Variants in PRKG1 observed in about 807,000 individuals in gnomAD.
The protein encoded by PRKG1 is cGMP-dependent protein kinase 1.
A neutral mutation model predicts 88.1 loss-of-function variants in PRKG1; 35 were observed. That is an observed-to-expected ratio of 0.40 (90% CI 0.30 to 0.53). The LOEUF is 0.53. Ranked by LOEUF, PRKG1 falls within the 20% of genes least tolerant of loss-of-function variation. The probability of loss-of-function intolerance (pLI) is 0.59; values close to 1 mark genes in which losing one functional copy is unlikely to be tolerated. For synonymous variants in PRKG1, 303 were observed against 292.5 expected, an observed-to-expected ratio of 1.04 and a Z score of -0.37; for missense variants, 540 against 839.8, an observed-to-expected ratio of 0.64 and a Z score of 4.41.
chr10:51,716,366 A>C (rs1367050949), intron 3 of PRKG1, among the ~76,000 whole-genome samples: 1 of 152,198 alleles, frequency 6.6e-6, no homozygotes, highest in Non-Finnish European at 1.5e-5. Flanking sequence ...ATTCTCTGCC[A>C]TTCTAAAATC....
intron 1 of PRKG1, among the ~76,000 whole-genome samples, chr10:51,029,848 C>T (rs1843258021): frequency 6.6e-6 from 1 of 152,090 alleles, no homozygotes; most frequent in Admixed American, 6.6e-5. Flanking sequence ...AACCAGGGCT[C>T]CCCTATTTGC....
chr10:51,298,639 G>C (rs1840787064), intron 2 of PRKG1, among the ~76,000 whole-genome samples: 1 of 152,142 alleles, frequency 6.6e-6, no homozygotes, highest in Admixed American at 6.6e-5. Context: ...AGTCTAGGGG[G>C]TAATGTAGGA....
intron 1 of PRKG1, among the ~76,000 whole-genome samples, chr10:51,105,912 T>C (rs1304471797): frequency 6.6e-6 from 1 of 152,230 alleles, no homozygotes; most frequent in East Asian, 1.9e-4. Flanking sequence ...TTAATGAGTA[T>C]ATGATTTTGT....
chr10:51,216,217 C>A (rs193064317), intron 2 of PRKG1, among the ~76,000 whole-genome samples: 1 of 152,346 alleles, frequency 6.6e-6, no homozygotes, highest in African/African-American at 2.4e-5. Context: ...GGATGGAAGT[C>A]TGACTAAAGA....
intron 3 of PRKG1, among the ~76,000 whole-genome samples, chr10:51,658,603 C>G (rs1056067574): frequency 2.0e-5 from 3 of 151,952 alleles, no homozygotes; most frequent in Admixed American, 1.3e-4. Context: ...ATCTAAAACT[C>G]ATTCTTCATC....
chr10:51,768,784 G>C (rs1377756734), intron 3 of PRKG1, among the ~76,000 whole-genome samples: 2 of 152,116 alleles, frequency 1.3e-5, no homozygotes, highest in East Asian at 3.8e-4. Flanking sequence ...AAGTTAACTA[G>C]CTTAAACAGT....
At chr10:51,735,916 C>G (rs1290699047) in intron 3 of PRKG1, among the ~76,000 whole-genome samples, 4 of 114,334 alleles carry the variant, frequency 3.5e-5, no homozygotes, top group Non-Finnish European at 7.1e-5. Context: ...TTTTTCCCTC[C>G]AACTTTAAGT....
At chr10:51,602,157 A>T (rs188500655) in intron 3 of PRKG1, among the ~76,000 whole-genome samples, 13 of 152,226 alleles carry the variant, frequency 8.5e-5, no homozygotes, top group Admixed American at 5.9e-4. Flanking sequence ...CATTAGCCCG[A>T]GGGGTTCGCT....
At chr10:51,037,667 C>T (rs943281100) in intron 1 of PRKG1, among the ~76,000 whole-genome samples, 2 of 151,944 alleles carry the variant, frequency 1.3e-5, no homozygotes, top group African/African-American at 2.4e-5. Context: ...ACCTATAATT[C>T]CAGCACTTGG....
intron 6 of PRKG1, among the ~76,000 whole-genome samples, chr10:52,059,475 T>G (rs1405170202): frequency 6.6e-6 from 1 of 151,560 alleles, no homozygotes; most frequent in Admixed American, 6.6e-5. Flanking sequence ...AACTATTGAA[T>G]CTTGCAACAA....
intron 3 of PRKG1, among the ~76,000 whole-genome samples, chr10:51,756,065 A>T (rs1328450451): frequency 1.3e-5 from 2 of 152,256 alleles, no homozygotes; most frequent in African/African-American, 4.8e-5. Context: ...CATATAAAGT[A>T]TTTTAATTTA....
intron 5 of PRKG1, among the ~76,000 whole-genome samples, chr10:51,997,256 A>T (rs1844471185): frequency 1.3e-5 from 2 of 152,010 alleles, no homozygotes; most frequent in African/African-American, 2.4e-5. Flanking sequence ...GCGGATCACG[A>T]GGTCAAGAGA....
intron 1 of PRKG1, among the ~76,000 whole-genome samples, chr10:50,998,820 C>G (rs1195485038): frequency 6.6e-6 from 1 of 152,132 alleles, no homozygotes; most frequent in African/African-American, 2.4e-5. Flanking sequence ...ATGGATATAT[C>G]CAGAAAATGT....
At chr10:52,166,140 A>G (rs1838428279) in intron 9 of PRKG1, among the ~76,000 whole-genome samples, 1 of 152,204 alleles carries the variant, frequency 6.6e-6, no homozygotes, top group Non-Finnish European at 1.5e-5. Context: ...GATCAAAGCT[A>G]AGGTTCACTG....
At chr10:51,727,135 G>A (rs199535387) in intron 3 of PRKG1, among the ~76,000 whole-genome samples, 1 of 151,652 alleles carries the variant, frequency 6.6e-6, no homozygotes, top group East Asian at 1.9e-4. Flanking sequence ...AAATGTAAAC[G>A]AATGTCTTTT....
intron 4 of PRKG1, among the ~76,000 whole-genome samples, chr10:51,832,194 A>C (rs1342094324): frequency 1.5e-4 from 23 of 152,230 alleles, no homozygotes; most frequent in Admixed American, 1.5e-3. Flanking sequence ...AAATTTTCCA[A>C]TATCACAAAG....
intron 5 of PRKG1, among the ~76,000 whole-genome samples, chr10:52,030,676 C>T (rs1564437867): frequency 6.6e-6 from 1 of 152,134 alleles, no homozygotes; most frequent in Non-Finnish European, 1.5e-5. Context: ...AGAGTGGCTG[C>T]GTGCTTCAGT....
intron 2 of PRKG1, among the ~76,000 whole-genome samples, chr10:51,307,482 G>A (rs1012656325): frequency 1.3e-5 from 2 of 152,090 alleles, no homozygotes; most frequent in South Asian, 2.1e-4. Context: ...ATTTCTGATC[G>A]TGGTGGTGAA....
Position 51,075,148 on chromosome 10 carries a change from T to C in PRKG1, c.311+247T>C, listed in dbSNP as rs553003850. 5.0e-4 allele frequency among the ~76,000 whole-genome samples: 76 copies of C among 152,326 alleles called. No individual in the cohort carries two copies. In the Middle Eastern group the frequency reaches 0.014, roughly 27 times the overall value. Reference sequence around the variant, plus strand: ...ATTATTTTTAAATATACATATACATTCGTATAAGCCACCTAGTGTACGTAG... The same window carrying C: ...ATTATTTTTAAATATACATATACATCCGTATAAGCCACCTAGTGTACGTAG... On this transcript the variant is annotated intron_variant, in intron 1 of 17. Coordinates refer to ENST00000373980, the MANE Select transcript of PRKG1 (RefSeq NM_006258.4).
Sources: gnomAD v4.1 joint callset for allele counts (sites outside exome capture counted in the v4.1 genomes callset) on GRCh38, gnomAD v4.1.1 for gene constraint, MANE v1.5 for transcripts, NCBI Gene and HGNC (gene_info 2026-07-23, HGNC 2026-07-21) for gene names.